The following DPYD variants were observed in gnomAD, a reference collection of about 807,000 sequenced individuals.
DPYD encodes dihydropyrimidine dehydrogenase [NADP(+)].
In DPYD, 109 loss-of-function variants were observed where a neutral mutation model predicts 116.2. That is an observed-to-expected ratio of 0.94 (90% CI 0.80 to 1.10). DPYD has a LOEUF of 1.10. Among genes scored for constraint, DPYD ranks in the 50% least tolerant of loss-of-function variants. DPYD has a pLI of 0.00. For synonymous variants in DPYD, 440 were observed against 432.0 expected (o/e 1.02, Z -0.23); for missense variants, 1,302 against 1,254.5 (o/e 1.04, Z -0.57).
intron 18 of DPYD, among the ~76,000 whole-genome samples, chr1:97,256,394 T>G (rs6687856): frequency 6.6e-6 from 1 of 152,032 alleles, no homozygotes; most frequent in African/African-American, 2.4e-5. Flanking sequence ...ACAATTCCCA[T>G]GTGTTGTGGG....
chr1:97,156,535 A>G (rs1655472531), intron 20 of DPYD, among the ~76,000 whole-genome samples: 1 of 152,202 alleles, frequency 6.6e-6, no homozygotes, highest in South Asian at 2.1e-4. Flanking sequence ...ATCACTGGCC[A>G]TCGGAGAAAT....
At chr1:97,520,256 C>T (rs765558310) in intron 12 of DPYD, among the ~76,000 whole-genome samples, 136 of 152,070 alleles carry the variant, frequency 8.9e-4, no homozygotes, top group Non-Finnish European at 1.6e-3. Flanking sequence ...TACCACCTAC[C>T]ACCAAATAAA....
intron 1 of DPYD, among the ~76,000 whole-genome samples, chr1:97,906,813 C>G (rs935162183): frequency 4.6e-5 from 7 of 152,072 alleles, no homozygotes; most frequent in Admixed American, 6.6e-5. Flanking sequence ...ACAGAAGATT[C>G]ATTCTTACCA....
At chr1:97,790,465 T>A (rs893632960) in intron 3 of DPYD, among the ~76,000 whole-genome samples, 6 of 152,188 alleles carry the variant, frequency 3.9e-5, no homozygotes, top group Non-Finnish European at 8.8e-5. Flanking sequence ...AATTTACACA[T>A]TTCAAACAAA....
Position 97,460,552 on chromosome 1 carries a change from T to C in DPYD, c.1741-10329A>G, listed in dbSNP as rs113478065. 3.3e-5 allele frequency among the ~76,000 whole-genome samples: 5 copies of C among 152,292 alleles called. No homozygotes were observed. The South Asian group carries it at 1.0e-3, about 32-fold the overall frequency. ...TGCTGAGTACTTTGAACTAAAGGAA[T>C]AGCCTCAGAACCAAGGTCTCTCTGG... On this transcript the variant is annotated intron_variant, in intron 13 of 22. Transcript: ENST00000370192.
At chr1:97,706,313 C>T (rs370620611) in intron 5 of DPYD, among the ~76,000 whole-genome samples, 44 of 152,028 alleles carry the variant, frequency 2.9e-4, no homozygotes, top group East Asian at 2.3e-3. Context: ...TCCTGCCACC[C>T]GAGAACTAAG....
chr1:97,202,397 C>A (rs372052788), intron 19 of DPYD, among the ~76,000 whole-genome samples: 2 of 151,992 alleles, frequency 1.3e-5, no homozygotes, highest in Admixed American at 6.6e-5. Context: ...CTTTATGTAG[C>A]CTGAAAGTCT....
Position 97,691,828 on chromosome 1 carries a change from A to T in DPYD, c.681-30T>A, listed in dbSNP as rs370322188. 5 of 1,588,634 alleles carry T rather than the reference A, an allele frequency of 3.1e-6. No individual in the cohort carries two copies. The African/African-American group carries it at 6.7e-5, about 21-fold the overall frequency. On this transcript the variant is annotated intron_variant, in intron 6 of 22. Transcript: ENST00000370192. ...AAAGAAAGGAGAAAGAAAAACAGGC[A>T]TCAGTAGAAAAATGACCAATCTTTG...
chr1:97,080,180 A>C (rs1243375988), intron 22 of DPYD, among the ~76,000 whole-genome samples: 1 of 152,100 alleles, frequency 6.6e-6, no homozygotes, highest in Non-Finnish European at 1.5e-5. Context: ...AGTTTTACTC[A>C]GACTGTGTAC....
chr1:97,768,965 A>G (rs1247005883), intron 3 of DPYD, among the ~76,000 whole-genome samples: 1 of 151,986 alleles, frequency 6.6e-6, no homozygotes, highest in Admixed American at 6.6e-5. Context: ...CCACAAAATA[A>G]AGAAAAAAAC....
chr1:97,776,059 G>A (rs1202762519), intron 3 of DPYD, among the ~76,000 whole-genome samples: 1 of 152,038 alleles, frequency 6.6e-6, no homozygotes, highest in East Asian at 1.9e-4. Flanking sequence ...ATGGTTAATG[G>A]TTACAAAAAC....
At position 97,853,431 on chromosome 1, in the gene DPYD, A is replaced by G. The variant is rs76514739; in HGVS notation, c.151-25235T>C. On this transcript the variant is annotated intron_variant, in intron 2 of 22. Transcript: ENST00000370192. ...TAAAAACAATTAAGCTTGTGTTGCC[A>G]AATGTGGGCTTACTTGATAAACATC... is the stretch of plus-strand genomic sequence containing the variant. Among the ~76,000 whole-genome samples, 1,331 of 152,330 alleles carry G rather than the reference A, an allele frequency of 8.7e-3. 24 individuals carry two copies. The highest frequency in any genetic ancestry group is 0.031 in the African/African-American group (1,280 of 41,574).
chr1:97,209,844 C>T (rs528919269), intron 19 of DPYD, among the ~76,000 whole-genome samples: 1 of 152,120 alleles, frequency 6.6e-6, no homozygotes, highest in African/African-American at 2.4e-5. Flanking sequence ...GATCTTTAGA[C>T]ATATTATCTT....
rs769466648 is a variant in DPYD at position 97,450,127 on chromosome 1, T to C, written c.1837A>G (p.Ile613Val). The change falls in exon 14 of 23, where the codon ATC becomes GTC. Residue 613 changes from isoleucine to valine, a missense_variant. By Grantham distance (29) the Ile-to-Val change is conservative. Transcript: ENST00000370192. Reference sequence around the variant, plus strand: ...CAATATGCAGCCGTTTTCTCACTGATGAGCTCAATATTCAGAAAGGAGCTT... The same window carrying C: ...CAATATGCAGCCGTTTTCTCACTGACGAGCTCAATATTCAGAAAGGAGCTT... ...GQSSFLNIEL[I>V]SEKTAAYWCQ... The C allele has an allele frequency of 3.7e-6, 6 of 1,613,898 alleles. No individual in the cohort carries two copies. In the East Asian group the frequency reaches 1.1e-4, roughly 30 times the overall value.
intron 20 of DPYD, among the ~76,000 whole-genome samples, chr1:97,187,665 T>C (rs1411867602): frequency 6.6e-6 from 1 of 152,046 alleles, no homozygotes; most frequent in East Asian, 1.9e-4. Flanking sequence ...TCCAGAAGAG[T>C]TTTCCTTAGA....
chr1:97,610,171 G>T (rs1328211916), intron 8 of DPYD, among the ~76,000 whole-genome samples: 1 of 151,824 alleles, frequency 6.6e-6, no homozygotes, highest in African/African-American at 2.4e-5. Context: ...AACTATAACT[G>T]TCCCAGATGT....
At chr1:97,349,748 G>T (rs1246848061) in intron 16 of DPYD, among the ~76,000 whole-genome samples, 10 of 152,178 alleles carry the variant, frequency 6.6e-5, no homozygotes, top group South Asian at 2.1e-4. Context: ...GTCTATCGTT[G>T]TTGGACATTT....
chr1:97,752,383 A>T (rs1164713249), intron 3 of DPYD, among the ~76,000 whole-genome samples: 1 of 152,026 alleles, frequency 6.6e-6, no homozygotes, highest in African/African-American at 2.4e-5. Context: ...CATTTTACTT[A>T]GCTAAATCTA....
chr1:97,316,269 C>T (rs1279580085), intron 16 of DPYD, among the ~76,000 whole-genome samples: 1 of 151,136 alleles, frequency 6.6e-6, no homozygotes, highest in East Asian at 2.0e-4. Context: ...GAGGGTGGAT[C>T]ACTTGAGGTC....
Sources: gnomAD v4.1 joint callset for allele counts (sites outside exome capture counted in the v4.1 genomes callset) on GRCh38, gnomAD v4.1.1 for gene constraint, MANE v1.5 for transcripts, NCBI Gene and HGNC (gene_info 2026-07-23, HGNC 2026-07-21) for gene names.